TIMM21: variants seen among roughly 807,000 people sequenced by gnomAD.
TIMM21 encodes the protein translocase of inner mitochondrial membrane 21.
In TIMM21, 30 loss-of-function variants were observed where a neutral mutation model predicts 27.7. That is an observed-to-expected ratio of 1.08 (90% CI 0.81 to 1.47). TIMM21 has a LOEUF of 1.47. Ranked by LOEUF, TIMM21 falls within the 40% of genes most tolerant of loss-of-function variation. The pLI, the probability that TIMM21 is intolerant of heterozygous loss-of-function variation, is 0.00. For missense variants in TIMM21, 292 were observed against 302.9 expected, an observed-to-expected ratio of 0.96 and a Z score of 0.27; for synonymous variants, 121 against 114.4, an observed-to-expected ratio of 1.06 and a Z score of -0.37.
At chr18:74,154,553 G>A (rs866924436) in intron 1 of TIMM21, among the ~76,000 whole-genome samples, 2 of 150,620 alleles carry the variant, frequency 1.3e-5, no homozygotes, top group East Asian at 2.0e-4. Context: ...GAGCCACCGC[G>A]CCTGGCCCCC....
At chr18:74,156,357 G>C in intron 3 of TIMM21, 1 of 394,748 alleles carries the variant, frequency 2.5e-6, no homozygotes, top group Non-Finnish European at 4.4e-6. Context: ...CTTCCCTGGG[G>C]CCCCGGCTCT....
In TIMM21 at chr18:74,155,208, G is replaced by A. The variant is rs1192919204; in HGVS notation, c.364+1G>A. The A allele has an allele frequency of 1.2e-6, 2 of 1,613,996 alleles. No individual in the cohort carries two copies. Among genetic ancestry groups the A allele is most frequent in the Non-Finnish European group, 1.7e-6 (2 of 1,179,952 alleles). The stretch of plus-strand genomic sequence containing the variant: ...GTGCTTTTTGGAATCAGCATTACAG[G>A]TTGCAAAAAACAGCAAGTATAAGCC... On this transcript the variant is annotated splice_donor_variant, in intron 2 of 5. Transcript: ENST00000169551. LOFTEE classifies it high-confidence loss of function.
intron 1 of TIMM21, among the ~76,000 whole-genome samples, chr18:74,151,943 C>CCCA (rs1555682308): frequency 1.4e-5 from 2 of 145,886 alleles, no homozygotes; most frequent in East Asian, 2.0e-4. Context: ...ATGTTCCCCC[C>CCCA]CCCCCCGGGG....
At chr18:74,150,048 C>T (rs1379831240) in intron 1 of TIMM21, among the ~76,000 whole-genome samples, 1 of 152,144 alleles carries the variant, frequency 6.6e-6, no homozygotes, top group African/African-American at 2.4e-5. Context: ...GTACAATTGT[C>T]TTTTACTTGG....
At chr18:74,151,062 C>T (rs1432279143) in intron 1 of TIMM21, among the ~76,000 whole-genome samples, 1 of 152,158 alleles carries the variant, frequency 6.6e-6, no homozygotes, top group Non-Finnish European at 1.5e-5. Flanking sequence ...CCTGGACCCA[C>T]CTGTGAGCTT....
chr18:74,153,954 C>T (rs1979877634), intron 1 of TIMM21, among the ~76,000 whole-genome samples: 2 of 151,852 alleles, frequency 1.3e-5, no homozygotes, highest in African/African-American at 4.9e-5. Flanking sequence ...GGAGGTGACT[C>T]ACTTTCTCAG....
chr18:74,148,549 G>T lies in TIMM21; in HGVS notation c.-260G>T, dbSNP rs996395061. The T allele has an allele frequency of 2.3e-5, 8 of 348,034 alleles. No homozygotes were observed. Among genetic ancestry groups the T allele is most frequent in the Non-Finnish European group, 4.2e-5 (8 of 189,732 alleles). 21.6% of individuals were successfully genotyped at this position (348,034 alleles called of 1,614,324 possible). A position where few individuals can be genotyped will look rare whatever the true frequency, so the allele number is the denominator to read the frequency against. On this transcript the variant is annotated 5_prime_UTR_variant, in exon 1 of 6. Transcript: ENST00000169551. ...GGTGACTTTGCGAAGGCATGGCGGG[G>T]ACACTGTGAATGTCAGCCCAGAAGG...
rs771757138 is a variant in TIMM21 at position 74,148,988 on chromosome 18, C to A, written c.180C>A (p.Val60=). Residue 60 remains valine (V), a synonymous_variant, in exon 1 of 6, where the codon GTC becomes GTA. Transcript: ENST00000169551. ...KTLRPRCILG[V]TQKTIWTQGP... ...TGCGACCTAGATGTATTCTTGGAGT[C>A]ACCCAGAAAACCATCTGGACGCAGG... 1 of 1,614,158 alleles carries A rather than the reference C, an allele frequency of 6.2e-7. No homozygotes were observed. Among genetic ancestry groups the A allele is most frequent in the Non-Finnish European group, 8.5e-7 (1 of 1,180,044 alleles).
In TIMM21 at chr18:74,148,803, G is replaced by A. The variant is rs377461449; in HGVS notation, c.-6G>A. The A allele has an allele frequency of 3.0e-4, 473 of 1,599,022 alleles. 2 individuals are homozygous for A. Among genetic ancestry groups the A allele is most frequent in the South Asian group, 1.1e-3 (104 of 90,764 alleles). On this transcript the variant is annotated 5_prime_UTR_variant, in exon 1 of 6. The change creates a new upstream start codon in the 5' untranslated region. Transcript: ENST00000169551. The stretch of plus-strand genomic sequence containing the variant: ...TCGTCCCTAAGCGGAACGATTTTCC[G>A]TGAACATGATTTGTACTTTTCTACG...
chr18:74,150,684 G>A (rs1380252115), intron 1 of TIMM21, among the ~76,000 whole-genome samples: 1 of 152,152 alleles, frequency 6.6e-6, no homozygotes, highest in Non-Finnish European at 1.5e-5. Context: ...TACCATTTGT[G>A]GTATTACATG....
At chr18:74,158,132 A>G in intron 4 of TIMM21, 39 bp from the exon 5 acceptor site, 1 of 1,614,068 alleles carries the variant, frequency 6.2e-7, no homozygotes, top group Non-Finnish European at 8.5e-7. Context: ...AGATTTTTAA[A>G]TGAAAGGAAC....
At chr18:74,149,198 G>A in intron 1 of TIMM21, 89 bp downstream of exon 1, 1 of 1,415,852 alleles carries the variant, frequency 7.1e-7, no homozygotes, top group East Asian at 2.3e-5. Flanking sequence ...TGCTAAAGGT[G>A]AAAAAGCAAT....
chr18:74,155,053 C>G, intron 1 of TIMM21, 92 bp from the exon 2 acceptor site: 1 of 1,258,950 alleles, frequency 7.9e-7, no homozygotes, highest in African/African-American at 1.5e-5. Context: ...GATCTGGAGG[C>G]TGCTTTTCTC....
At chr18:74,153,607 T>C (rs1979869388) in intron 1 of TIMM21, among the ~76,000 whole-genome samples, 1 of 152,246 alleles carries the variant, frequency 6.6e-6, no homozygotes. Flanking sequence ...TTGTGACAAT[T>C]GTTTGAGTCA....
At chr18:74,153,276 T>C (rs1458004360) in intron 1 of TIMM21, among the ~76,000 whole-genome samples, 1 of 152,222 alleles carries the variant, frequency 6.6e-6, no homozygotes, top group Admixed American at 6.5e-5. Flanking sequence ...AGCACAGGGC[T>C]TTATATATAA....
At chr18:74,155,918 G>T (rs1314666922) in intron 3 of TIMM21, among the ~76,000 whole-genome samples, 1 of 152,088 alleles carries the variant, frequency 6.6e-6, no homozygotes, top group Non-Finnish European at 1.5e-5. Context: ...CTAGTAAGTG[G>T]GGGAACCGGA....
At chr18:74,151,672 A>G (rs1215374716) in intron 1 of TIMM21, among the ~76,000 whole-genome samples, 1 of 152,026 alleles carries the variant, frequency 6.6e-6, no homozygotes, top group African/African-American at 2.4e-5. Flanking sequence ...TTTATATCTT[A>G]TATCTATGGT....
rs1372736870 is a variant in TIMM21, at chr18:74,155,415, A to G, written c.462+12A>G. 1.3e-6 allele frequency: 2 copies of G among 1,597,284 alleles called. No homozygotes were observed. Among genetic ancestry groups the G allele is most frequent in the Admixed American group, 1.7e-5 (1 of 57,276 alleles). ...GATCACATCCTGAGGTTAGTTCTCA[A>G]GATTGAGTTACATGAACTCTGATGA... On this transcript the variant is annotated intron_variant, in intron 3 of 5. Transcript: ENST00000169551.
rs1979999549 is a variant in TIMM21 at position 74,158,053 on chromosome 18, G to A, written c.502G>A (p.Glu168Lys). ...VFGESVKGYG[E>K]VTRRGRRQHV... ...TGGTGAGTCTGTTAAAGGCTATGGG[G>A]AGGTGACAAGGCGGGGTCGCCGGCA... Residue 168 changes from glutamate to lysine, a missense_variant, in exon 4 of 6, where the codon GAG becomes AAG. Physicochemically the swap from Glu to Lys is moderately conservative, Grantham distance 56. Coordinates refer to ENST00000169551, the MANE Select transcript of TIMM21 (RefSeq NM_014177.3). The A allele has an allele frequency of 2.5e-6, 4 of 1,614,214 alleles. No individual in the cohort carries two copies. Among genetic ancestry groups the A allele is most frequent in the Non-Finnish European group, 3.4e-6 (4 of 1,180,048 alleles).
Sources: gnomAD v4.1 joint callset for allele counts (sites outside exome capture counted in the v4.1 genomes callset) on GRCh38, gnomAD v4.1.1 for gene constraint, MANE v1.5 for transcripts, NCBI Gene and HGNC (gene_info 2026-07-23, HGNC 2026-07-21) for gene names.